PLSCR2: variants seen among roughly 807,000 people sequenced by gnomAD.
PLSCR2 encodes the protein PL scramblase 2.
Under a neutral mutation model 25.3 loss-of-function variants are expected in PLSCR2, and 18 were observed. The ratio of observed to expected loss-of-function variants is 0.71; its 90% CI spans 0.49 to 1.06. PLSCR2 has a LOEUF of 1.06. Ranked by LOEUF, PLSCR2 falls within the 50% of genes least tolerant of loss-of-function variation. The pLI, the probability that PLSCR2 is intolerant of heterozygous loss-of-function variation, is 0.00. For synonymous variants in PLSCR2, 88 were observed against 87.3 expected, an observed-to-expected ratio of 1.01 and a Z score of -0.04; for missense variants, 243 against 269.5, an observed-to-expected ratio of 0.90 and a Z score of 0.69.
intron 1 of PLSCR2, among the ~76,000 whole-genome samples, chr3:146,476,876 G>T (rs376262215): frequency 6.6e-6 from 1 of 152,216 alleles, no homozygotes; most frequent in African/African-American, 2.4e-5. Context: ...GAGCCCCTAG[G>T]GGGAAGGATA....
At chr3:146,470,382 T>A (rs2042069943) in intron 1 of PLSCR2, among the ~76,000 whole-genome samples, 1 of 151,914 alleles carries the variant, frequency 6.6e-6, no homozygotes. Flanking sequence ...CCGTCTCTAC[T>A]AAAAATACAA....
chr3:146,450,482 T>C (rs1453628619), intron 5 of PLSCR2, among the ~76,000 whole-genome samples: 4 of 152,270 alleles, frequency 2.6e-5, no homozygotes, highest in African/African-American at 9.6e-5. Flanking sequence ...GTCTGAAGCA[T>C]TTTCCTATTT....
intron 1 of PLSCR2, among the ~76,000 whole-genome samples, chr3:146,469,967 C>T (rs1189984391): frequency 1.3e-5 from 2 of 152,154 alleles, no homozygotes; most frequent in Non-Finnish European, 2.9e-5. Context: ...GAGTGGCCTA[C>T]CCCGGGAACT....
chr3:146,492,866 G>T (rs514287), intron 1 of PLSCR2, among the ~76,000 whole-genome samples: 34,638 of 151,640 alleles, frequency 0.23, 4,009 homozygotes, highest in South Asian at 0.35. Flanking sequence ...CCAAAACTTG[G>T]TTTTTTAAAA....
intron 2 of PLSCR2, among the ~76,000 whole-genome samples, chr3:146,423,083 G>A (rs1379545457): frequency 6.6e-6 from 1 of 151,998 alleles, no homozygotes; most frequent in Non-Finnish European, 1.5e-5. Context: ...GGGTCTGTGG[G>A]AAAGAAGTTT....
At chr3:146,441,734 T>G, downstream of PLSCR2, 1 of 1,258,144 alleles carries the variant, frequency 7.9e-7, no homozygotes, top group Non-Finnish European at 1.1e-6. Context: ...CAACACAGAC[T>G]TCAAATTTTC....
intron 1 of PLSCR2, chr3:146,494,601 C>T (rs376890045): frequency 6.6e-6 from 1 of 151,976 alleles, no homozygotes; most frequent in Non-Finnish European, 1.5e-5. Flanking sequence ...TTGTATTATT[C>T]TTAAGTCTAT....
rs758576585 is a variant in PLSCR2, at chr3:146,423,282, T to TCTCTCTCTCTCTCTCC, written c.101-27362_101-27361insGGAGAGAGAGAGAGAG. 9.6e-3 allele frequency among the ~76,000 whole-genome samples: 974 copies of TCTCTCTCTCTCTCTCC among 100,962 alleles called. 181 individuals are homozygous for TCTCTCTCTCTCTCTCC. The highest frequency in any genetic ancestry group is 0.021 in the Middle Eastern group (3 of 144). 66.2% of individuals were successfully genotyped at this position (100,962 alleles called of 152,430 possible). A position where few individuals can be genotyped will look rare whatever the true frequency, so the allele number is the denominator to read the frequency against. On this transcript the variant is annotated intron_variant and NMD_transcript_variant, in intron 2 of 3. Coordinates refer to the PLSCR2 transcript ENST00000463633. ...CTCTCTCTCTCTCTCTCTCTCTCTCTCCCTGGCTAGATTCTCACAAGAAAC... is the reference window on the plus strand; with the variant it reads ...CTCTCTCTCTCTCTCTCTCTCTCTCTCTCTCTCTCTCTCTCCCCCTGGCTAGATTCTCACAAGAAAC...
At chr3:146,406,845 T>C (rs143397654) in intron 2 of PLSCR2, among the ~76,000 whole-genome samples, 1 of 152,298 alleles carries the variant, frequency 6.6e-6, no homozygotes. Flanking sequence ...TTGGCTGGAA[T>C]GAATGGCAGG....
chr3:146,479,007 A>G (rs949359647), intron 1 of PLSCR2, among the ~76,000 whole-genome samples: 4 of 152,162 alleles, frequency 2.6e-5, no homozygotes, highest in African/African-American at 9.7e-5. Flanking sequence ...CTTCATAAGT[A>G]AAGGAGAAAT....
intron 1 of PLSCR2, among the ~76,000 whole-genome samples, chr3:146,495,371 A>C (rs2108596246): frequency 6.6e-6 from 1 of 152,376 alleles, no homozygotes; most frequent in East Asian, 1.9e-4. Context: ...GCAACAATGA[A>C]GCATCAGCAA....
downstream of PLSCR2, among the ~76,000 whole-genome samples, chr3:146,437,964 G>T (rs564383344): frequency 1.3e-3 from 196 of 152,226 alleles, no homozygotes; most frequent in African/African-American, 4.6e-3. Flanking sequence ...AGAGATTCTA[G>T]TATGTTTTGT....
intron 2 of PLSCR2, among the ~76,000 whole-genome samples, chr3:146,400,856 C>T (rs1293739636): frequency 6.6e-6 from 1 of 151,700 alleles, no homozygotes; most frequent in African/African-American, 2.4e-5. Context: ...AATATGTAAA[C>T]ATATACATTG....
At chr3:146,429,142 TGCACATGAA>T (rs546519386), downstream of PLSCR2, among the ~76,000 whole-genome samples, 58 of 152,306 alleles carry the variant, frequency 3.8e-4, no homozygotes, top group East Asian at 0.011. Context: ...TTCTGCAGGC[TGCACATGAA>T]GCATAGTGCC....
In PLSCR2 at chr3:146,449,380, A is replaced by G; in HGVS notation, c.484-13T>C. 4 of 1,552,158 alleles carry G rather than the reference A, an allele frequency of 2.6e-6. No homozygotes were observed. Among genetic ancestry groups the G allele is most frequent in the Non-Finnish European group, 3.5e-6 (4 of 1,153,024 alleles). On this transcript the variant is annotated splice_polypyrimidine_tract_variant and intron_variant, in intron 5 of 6. Coordinates refer to ENST00000610787, the Ensembl canonical transcript of PLSCR2. Reference sequence around the variant, plus strand: ...CAAGAGATGTAATCTAAATTGCAAAAAAAAAAAAAACTTAAAAATTTCTAG... The same window carrying G: ...CAAGAGATGTAATCTAAATTGCAAAGAAAAAAAAAACTTAAAAATTTCTAG...
exon 6 of PLSCR2, chr3:146,449,338 A>C (rs1407537684): frequency 2.5e-6 from 4 of 1,604,384 alleles, no homozygotes; most frequent in African/African-American, 1.3e-5. Flanking sequence ...AAATCCTGCC[A>C]ACCACAATTT....
At chr3:146,441,868 G>A (rs116539349) in intron 6 of PLSCR2, 47 bp from the exon 7 acceptor site, 2 of 1,225,182 alleles carry the variant, frequency 1.6e-6, no homozygotes, top group African/African-American at 3.0e-5. Context: ...AAACCAAACA[G>A]AGATCAGATG....
At chr3:146,399,701 C>T (rs570275902) in intron 2 of PLSCR2, among the ~76,000 whole-genome samples, 2 of 151,548 alleles carry the variant, frequency 1.3e-5, no homozygotes, top group East Asian at 3.9e-4. Flanking sequence ...TTCTTTCCTT[C>T]CTTCCTTCTG....
At chr3:146,493,873 CA>C (rs1365588906) in intron 1 of PLSCR2, among the ~76,000 whole-genome samples, 3 of 130,992 alleles carry the variant, frequency 2.3e-5, no homozygotes, top group Non-Finnish European at 4.7e-5. Flanking sequence ...ATTCCATAGA[CA>C]TTATGTTGAC....
Sources: allele counts gnomAD v4.1 joint callset (sites outside exome capture counted in the v4.1 genomes callset), GRCh38; gene constraint gnomAD v4.1.1; transcripts MANE v1.5; gene names NCBI Gene and HGNC (gene_info 2026-07-23, HGNC 2026-07-21).